Variants in PEBP4 observed in about 807,000 individuals in gnomAD.
The protein encoded by PEBP4 is phosphatidylethanolamine-binding protein 4.
In PEBP4, 22 loss-of-function variants were observed where a neutral mutation model predicts 23.9. The ratio of observed to expected loss-of-function variants is 0.92; its 90% confidence interval spans 0.66 to 1.31. PEBP4 has a LOEUF of 1.31. Ranked by LOEUF, PEBP4 falls within the 40% of genes most tolerant of loss-of-function variation. PEBP4 has a pLI of 0.00. For synonymous variants in PEBP4, 112 were observed against 99.3 expected (o/e 1.13, Z -0.76); for missense variants, 324 against 281.7 (o/e 1.15, Z -1.07).
At chr8:22,899,949 G>C (rs1342149259) in intron 3 of PEBP4, among the ~76,000 whole-genome samples, 1 of 152,104 alleles carries the variant, frequency 6.6e-6, no homozygotes, top group Non-Finnish European at 1.5e-5. Context: ...ACAACGGGAG[G>C]AGCATAGCAC....
chr8:22,918,918 A>T (rs1301390209), intron 3 of PEBP4, among the ~76,000 whole-genome samples: 1 of 132,256 alleles, frequency 7.6e-6, no homozygotes, highest in African/African-American at 2.7e-5. Context: ...TGTGCATGCA[A>T]GTGTGTGTGT....
intron 3 of PEBP4, among the ~76,000 whole-genome samples, chr8:22,890,356 G>A (rs184595419): frequency 2.0e-5 from 3 of 152,284 alleles, no homozygotes; most frequent in East Asian, 1.9e-4. Context: ...GCTGGTCCAC[G>A]GACCACACTT....
At chr8:22,780,541 G>A (rs979352491) in intron 4 of PEBP4, among the ~76,000 whole-genome samples, 2 of 152,104 alleles carry the variant, frequency 1.3e-5, no homozygotes, top group East Asian at 3.9e-4. Context: ...TTATGACTTC[G>A]TATGGATCCT....
intron 4 of PEBP4, among the ~76,000 whole-genome samples, chr8:22,749,805 C>CTT (rs71206545): frequency 0.41 from 33,920 of 83,626 alleles, 10,296 homozygotes; most frequent in East Asian, 0.74. Context: ...GTTTGTCATT[C>CTT]TTTTTTTTTT....
chr8:22,733,660 C>G (rs1257483437), intron 4 of PEBP4, among the ~76,000 whole-genome samples: 1 of 152,078 alleles, frequency 6.6e-6, no homozygotes, highest in Non-Finnish European at 1.5e-5. Context: ...AGGGAGAGGA[C>G]TTAATCTCGT....
chr8:22,932,640 C>A (rs1809475423), upstream of PEBP4, among the ~76,000 whole-genome samples: 2 of 152,132 alleles, frequency 1.3e-5, no homozygotes, highest in Admixed American at 1.3e-4. Context: ...TCAAGGAAAG[C>A]CTCCTTAACT....
intron 3 of PEBP4, among the ~76,000 whole-genome samples, chr8:22,881,512 G>T (rs1808258708): frequency 6.6e-6 from 1 of 152,220 alleles, no homozygotes; most frequent in African/African-American, 2.4e-5. Flanking sequence ...ACTCGCAGTT[G>T]TATGTCCCCA....
chr8:22,919,941 G>T (rs543640092), intron 3 of PEBP4, among the ~76,000 whole-genome samples: 39 of 152,290 alleles, frequency 2.6e-4, no homozygotes, highest in Non-Finnish European at 5.0e-4. Context: ...GCAGGAAAAG[G>T]CCTGGGCAGA....
intron 1 of PEBP4, among the ~76,000 whole-genome samples, chr8:22,933,029 A>T (rs1809483027): frequency 6.6e-6 from 1 of 151,686 alleles, no homozygotes; most frequent in South Asian, 2.1e-4. Context: ...AAGGTTGGAA[A>T]TTTCATTTTC....
intron 3 of PEBP4, among the ~76,000 whole-genome samples, chr8:22,819,394 A>T (rs1212768367): frequency 1.3e-5 from 2 of 152,230 alleles, no homozygotes; most frequent in East Asian, 3.8e-4. Flanking sequence ...TATCACTGTT[A>T]TCACGATAAG....
chr8:22,921,889 C>A (rs1033172673), intron 2 of PEBP4, among the ~76,000 whole-genome samples: 1 of 152,200 alleles, frequency 6.6e-6, no homozygotes, highest in African/African-American at 2.4e-5. Context: ...GGGGACCCAC[C>A]AAGGGCAGAG....
At chr8:22,830,775 A>G (rs889782228) in intron 3 of PEBP4, among the ~76,000 whole-genome samples, 2 of 151,278 alleles carry the variant, frequency 1.3e-5, no homozygotes, top group Non-Finnish European at 2.9e-5. Context: ...AAATCCACCC[A>G]TTTCCCCCCT....
intron 3 of PEBP4, among the ~76,000 whole-genome samples, chr8:22,860,209 C>CATATATATGTGTATATATATATACACAT (rs200272561): frequency 4.7e-5 from 5 of 106,198 alleles, no homozygotes; most frequent in Non-Finnish European, 9.8e-5. Flanking sequence ...TATATATACA[C>CATATATATGTGTATATATATATACACAT]ATATATGTAT....
In PEBP4 at chr8:22,810,134, G is replaced by A. The variant is rs188865517; in HGVS notation, c.357+7503C>T. 6.7e-4 allele frequency among the ~76,000 whole-genome samples: 102 copies of A among 152,282 alleles called. No individual in the cohort carries two copies. In the South Asian group the frequency reaches 6.9e-3, roughly 10 times the overall value. Reference sequence around the variant, plus strand: ...AGCAAGATCTCTTCTGTTTTCCAACGAGATTTCCTTAACTCTTTAAAGGCC... The same window carrying A: ...AGCAAGATCTCTTCTGTTTTCCAACAAGATTTCCTTAACTCTTTAAAGGCC... On this transcript the variant is annotated intron_variant, in intron 4 of 6. Coordinates refer to ENST00000256404, the MANE Select transcript of PEBP4 (RefSeq NM_144962.3).
At chr8:22,925,279 TG>T in intron 2 of PEBP4, 1 of 985,398 alleles carries the variant, frequency 1.0e-6, no homozygotes, top group African/African-American at 1.7e-5. Flanking sequence ...GGCCTGCTGG[TG>T]TATTCTGGGA....
At chr8:22,817,607 G>T (rs996462264) in intron 4 of PEBP4, 30 bp downstream of exon 4, 3 of 1,579,440 alleles carry the variant, frequency 1.9e-6, no homozygotes, top group Non-Finnish European at 2.6e-6. Context: ...AACCCCAAAT[G>T]CGTCAGAGAG....
intron 4 of PEBP4, among the ~76,000 whole-genome samples, chr8:22,761,382 C>G (rs192433943): frequency 6.7e-6 from 1 of 150,110 alleles, no homozygotes; most frequent in Non-Finnish European, 1.5e-5. Flanking sequence ...CCTGACATGG[C>G]GAGGGGAGGC....
intron 4 of PEBP4, among the ~76,000 whole-genome samples, chr8:22,773,405 A>G (rs1805754191): frequency 6.6e-6 from 1 of 152,088 alleles, no homozygotes; most frequent in Non-Finnish European, 1.5e-5. Context: ...GCTGGAGGAG[A>G]CCCGTGACCC....
intron 4 of PEBP4, among the ~76,000 whole-genome samples, chr8:22,792,561 G>A (rs1195163171): frequency 1.3e-5 from 2 of 152,072 alleles, no homozygotes; most frequent in Admixed American, 1.3e-4. Context: ...AACCAAAGAT[G>A]CCCTCTTGTG....
Sources: gnomAD v4.1 joint callset for allele counts (sites outside exome capture counted in the v4.1 genomes callset) on GRCh38, gnomAD v4.1.1 for gene constraint, MANE v1.5 for transcripts, NCBI Gene and HGNC (gene_info 2026-07-23, HGNC 2026-07-21) for gene names.